The following RXRG variants were observed in gnomAD, a reference collection of about 807,000 sequenced individuals.
RXRG encodes retinoic acid receptor RXR-gamma.
Under a neutral mutation model 49.2 loss-of-function variants are expected in RXRG, and 19 were observed. That is an observed-to-expected ratio of 0.39 (90% CI 0.27 to 0.57). The LOEUF (loss-of-function observed/expected upper bound fraction) is 0.57, where lower values mean the gene tolerates loss of function less well. Ranked by LOEUF, RXRG falls within the 20% of genes least tolerant of loss-of-function variation. The pLI, the probability that RXRG is intolerant of heterozygous loss-of-function variation, is 0.64. For missense variants in RXRG, 452 were observed against 592.5 expected, an observed-to-expected ratio of 0.76 and a Z score of 2.46; for synonymous variants, 224 against 216.6, an observed-to-expected ratio of 1.03 and a Z score of -0.30.
chr1:165,416,034 G>T (rs1387256866), intron 4 of RXRG, among the ~76,000 whole-genome samples: 2 of 152,190 alleles, frequency 1.3e-5, no homozygotes, highest in Non-Finnish European at 2.9e-5. Flanking sequence ...AAGATTACAA[G>T]AATTTGTTTG....
At chr1:165,413,789 T>C (rs1658033224) in intron 4 of RXRG, among the ~76,000 whole-genome samples, 1 of 144,394 alleles carries the variant, frequency 6.9e-6, no homozygotes, top group Non-Finnish European at 1.5e-5. Context: ...TTGTGTGGGC[T>C]AGGCTCTCCA....
intron 1 of RXRG, among the ~76,000 whole-genome samples, chr1:165,432,622 A>G (rs1485676399): frequency 6.6e-6 from 1 of 152,206 alleles, no homozygotes; most frequent in Non-Finnish European, 1.5e-5. Flanking sequence ...ACTGCAGCCA[A>G]TACCAAAAGG....
At chr1:165,411,700 A>T (rs1272878626) in intron 4 of RXRG, among the ~76,000 whole-genome samples, 1 of 152,166 alleles carries the variant, frequency 6.6e-6, no homozygotes, top group East Asian at 1.9e-4. Flanking sequence ...TTTCAGAATC[A>T]GTGGCTCATT....
chr1:165,408,883 C>A (rs1343902988), intron 7 of RXRG, among the ~76,000 whole-genome samples: 1 of 152,166 alleles, frequency 6.6e-6, no homozygotes, highest in African/African-American at 2.4e-5. Flanking sequence ...GACAACGGGG[C>A]CCTGGCATTG....
chr1:165,404,844 C>T (rs142154259), intron 9 of RXRG, among the ~76,000 whole-genome samples: 80 of 152,220 alleles, frequency 5.3e-4, no homozygotes, highest in African/African-American at 1.9e-3. Flanking sequence ...CCACAACCTC[C>T]ACCTCCCCGG....
At chr1:165,426,350 G>A (rs1658485912) in intron 2 of RXRG, among the ~76,000 whole-genome samples, 1 of 152,184 alleles carries the variant, frequency 6.6e-6, no homozygotes, top group Non-Finnish European at 1.5e-5. Flanking sequence ...CTTTGAGGGA[G>A]CAGGGCAGCT....
intron 4 of RXRG, among the ~76,000 whole-genome samples, chr1:165,416,047 C>T (rs1658116267): frequency 6.6e-6 from 1 of 152,190 alleles, no homozygotes; most frequent in South Asian, 2.1e-4. Flanking sequence ...TTTGTTTGCT[C>T]ATGGGTGACA....
At chr1:165,411,898 G>A (rs926345452) in intron 4 of RXRG, among the ~76,000 whole-genome samples, 2 of 152,164 alleles carry the variant, frequency 1.3e-5, no homozygotes, top group Non-Finnish European at 2.9e-5. Flanking sequence ...TCTCTGTTGG[G>A]TTAGTTTCCA....
intron 3 of RXRG, among the ~76,000 whole-genome samples, chr1:165,417,672 T>C (rs1354954195): frequency 6.6e-6 from 1 of 152,226 alleles, no homozygotes; most frequent in East Asian, 1.9e-4. Flanking sequence ...TTTAAATTTA[T>C]TATCCTTTAC....
intron 2 of RXRG, among the ~76,000 whole-genome samples, chr1:165,426,226 A>G (rs1276421063): frequency 1.3e-5 from 2 of 152,266 alleles, no homozygotes; most frequent in Non-Finnish European, 2.9e-5. Flanking sequence ...AAAAGGTCCT[A>G]CAGGTGAGAA....
At chr1:165,404,581 A>G (rs932051330) in intron 9 of RXRG, among the ~76,000 whole-genome samples, 5 of 152,246 alleles carry the variant, frequency 3.3e-5, no homozygotes, top group Admixed American at 3.3e-4. Context: ...TAGAATGGCT[A>G]AGGGAAGAAA....
rs1657552447 is a variant in RXRG, at chr1:165,401,195, G to T, written c.*68C>A. The T allele has an allele frequency of 1.3e-6, 2 of 1,487,942 alleles. No homozygotes were observed. The highest frequency in any genetic ancestry group is 9.3e-7 in the Non-Finnish European group (1 of 1,080,820). 92.2% of individuals were successfully genotyped at this position (1,487,942 alleles called of 1,614,324 possible). ...GTCAGGGTGGGAGGTGGAGGAAAGT[G>T]CAGGGTGGGGGTCCACACACACCTG... On this transcript the variant is annotated 3_prime_UTR_variant, in exon 10 of 10. Transcript: ENST00000359842.
At chr1:165,424,275 C>G (rs557535463) in intron 2 of RXRG, among the ~76,000 whole-genome samples, 31 of 152,344 alleles carry the variant, frequency 2.0e-4, no homozygotes, top group Non-Finnish European at 3.5e-4. Context: ...ATCTCCAGTG[C>G]CCAGTACTGG....
At chr1:165,424,784 A>G (rs945875102) in intron 2 of RXRG, 3 of 985,430 alleles carry the variant, frequency 3.0e-6, no homozygotes, top group Admixed American at 6.1e-5. Flanking sequence ...ACATGCTTCC[A>G]TCATGAATCC....
intron 2 of RXRG, among the ~76,000 whole-genome samples, chr1:165,426,219 A>C (rs761658405): frequency 1.3e-5 from 2 of 152,238 alleles, no homozygotes; most frequent in Non-Finnish European, 2.9e-5. Context: ...ACTCTGAAAA[A>C]GGTCCTACAG....
At chr1:165,430,575 A>G (rs1443144370) in intron 1 of RXRG, among the ~76,000 whole-genome samples, 1 of 152,240 alleles carries the variant, frequency 6.6e-6, no homozygotes, top group African/African-American at 2.4e-5. Flanking sequence ...CATTCTACGT[A>G]TGGAGCTTTG....
chr1:165,437,106 G>A (rs1658838412), intron 1 of RXRG: 1 of 1,363,056 alleles, frequency 7.3e-7, no homozygotes, highest in Middle Eastern at 2.1e-4. Context: ...AGTGTCATGG[G>A]GAAGCAGCCT....
At chr1:165,412,716 G>A (rs1344556972) in intron 4 of RXRG, among the ~76,000 whole-genome samples, 1 of 152,044 alleles carries the variant, frequency 6.6e-6, no homozygotes, top group African/African-American at 2.4e-5. Context: ...TTACCCCCTT[G>A]GGCTCATCTC....
At chr1:165,415,411 G>A (rs955798528) in intron 4 of RXRG, among the ~76,000 whole-genome samples, 7 of 152,192 alleles carry the variant, frequency 4.6e-5, no homozygotes, top group Non-Finnish European at 1.0e-4. Context: ...TTCTGCTGAA[G>A]GAACACCTTG....
Sources: allele counts gnomAD v4.1 joint callset (sites outside exome capture counted in the v4.1 genomes callset), GRCh38; gene constraint gnomAD v4.1.1; transcripts MANE v1.5; gene names NCBI Gene and HGNC (gene_info 2026-07-23, HGNC 2026-07-21).